Variants in YAF2 observed in about 807,000 individuals in gnomAD.
The protein encoded by YAF2 is YY1 associated factor 2.
In YAF2, 7 loss-of-function variants were observed where a neutral mutation model predicts 20.1. The ratio of observed to expected loss-of-function variants is 0.35; its 90% CI spans 0.20 to 0.65. YAF2 has a LOEUF of 0.65. Among genes scored for constraint, YAF2 ranks in the 30% least tolerant of loss-of-function variants. The pLI is 0.69. For missense variants in YAF2, 151 were observed against 219.2 expected (o/e 0.69, Z 1.96); for synonymous variants, 74 against 76.0 (o/e 0.97, Z 0.14).
Position 42,225,860 on chromosome 12 carries a change from G to A in YAF2, c.152+11739C>T, listed in dbSNP as rs760279200. Among the ~76,000 whole-genome samples the A allele has an allele frequency of 1.3e-5, 2 of 152,144 alleles. 1 individual carries two copies. Among genetic ancestry groups the A allele is most frequent in the Admixed American group, 1.3e-4 (2 of 15,276 alleles). On this transcript the variant is annotated intron_variant, in intron 2 of 3. Transcript: ENST00000534854. Reference sequence around the variant, plus strand: ...TCCTTAGGACTGTTTTGGGTATACAGGCTCTTTTTTGGTTCCACATGAAAT... The same window carrying A: ...TCCTTAGGACTGTTTTGGGTATACAAGCTCTTTTTTGGTTCCACATGAAAT...
At chr12:42,234,945 G>C (rs2068099421) in intron 2 of YAF2, 2 of 948,834 alleles carry the variant, frequency 2.1e-6, no homozygotes, top group Non-Finnish European at 2.5e-6. Context: ...CCTGGATGAT[G>C]CCACTGCAAC....
At position 42,158,131 on chromosome 12, in the gene YAF2, G is replaced by T. The variant is rs1286408919; in HGVS notation, c.*2458C>A. 3 of 152,072 alleles carry T rather than the reference G, an allele frequency of 2.0e-5. No individual in the cohort carries two copies. Among genetic ancestry groups the T allele is most frequent in the Admixed American group, 6.6e-5 (1 of 15,260 alleles). 9.4% of individuals were successfully genotyped at this position (152,072 alleles called of 1,614,324 possible). A position where few individuals can be genotyped will look rare whatever the true frequency, so the allele number is the denominator to read the frequency against. On this transcript the variant is annotated 3_prime_UTR_variant, in exon 4 of 4. Coordinates refer to ENST00000534854, the MANE Select transcript of YAF2 (RefSeq NM_005748.6). ...TATGGAATTTGGGTCTGTTTTCCTG[G>T]TGTGGAAGTGTACTTGAAGTAGGGT...
At position 42,211,469 on chromosome 12, in the gene YAF2, G is replaced by A. The variant is rs189373399; in HGVS notation, c.152+26130C>T. On this transcript the variant is annotated intron_variant, in intron 2 of 3. Transcript: ENST00000534854. ...AAAAAAAAGTCATCCAGGCACAGTGGCTCACGCCTGTAATCCCAACACTTT... is the reference window on the plus strand; with the variant it reads ...AAAAAAAAGTCATCCAGGCACAGTGACTCACGCCTGTAATCCCAACACTTT... Among the ~76,000 whole-genome samples the A allele has an allele frequency of 9.5e-4, 142 of 150,134 alleles. No homozygotes were observed. In the South Asian group the frequency reaches 0.01, roughly 11 times the overall value.
chr12:42,228,030 G>C (rs2067804631), intron 2 of YAF2, among the ~76,000 whole-genome samples: 1 of 114,182 alleles, frequency 8.8e-6, no homozygotes, highest in Non-Finnish European at 1.9e-5. Flanking sequence ...TGGGGGGTCA[G>C]CCCTCCGCCC....
At chr12:42,172,604 A>G (rs2066077859) in intron 2 of YAF2, among the ~76,000 whole-genome samples, 1 of 152,224 alleles carries the variant, frequency 6.6e-6, no homozygotes, top group African/African-American at 2.4e-5. Flanking sequence ...CAGAAGTGCT[A>G]TTCTGAAGTC....
intron 2 of YAF2, among the ~76,000 whole-genome samples, chr12:42,201,235 C>T (rs1164624861): frequency 6.6e-6 from 1 of 152,128 alleles, no homozygotes; most frequent in Non-Finnish European, 1.5e-5. Flanking sequence ...TAGACTAATA[C>T]CTTGAATAGT....
intron 2 of YAF2, 133 bp downstream of exon 2, chr12:42,237,466 A>G: frequency 7.4e-7 from 1 of 1,352,792 alleles, no homozygotes; most frequent in Non-Finnish European, 9.5e-7. Context: ...CCCAGTTCCT[A>G]TCGCCACAGC....
Position 42,197,258 on chromosome 12 carries a change from TCTTC to T in YAF2, c.153-35497_153-35494del, listed in dbSNP as rs546723137. Among the ~76,000 whole-genome samples the T allele has an allele frequency of 2.5e-3, 384 of 152,336 alleles. 1 individual carries two copies. The highest frequency in any genetic ancestry group is 9.0e-3 in the African/African-American group (374 of 41,574). The stretch of plus-strand genomic sequence containing the variant: ...CCCAGTGTTCTTTCTAGACTGGTGT[TCTTC>T]CTTTGGCTATGAACCCTCCTCTAAC... On this transcript the variant is annotated intron_variant, in intron 2 of 3. Transcript: ENST00000534854.
At chr12:42,177,574 A>T (rs2066227848) in intron 2 of YAF2, among the ~76,000 whole-genome samples, 1 of 152,152 alleles carries the variant, frequency 6.6e-6, no homozygotes, top group African/African-American at 2.4e-5. Flanking sequence ...ATTGCCTCCT[A>T]CCAGCCTTAT....
chr12:42,207,684 C>T (rs181743574), intron 2 of YAF2, among the ~76,000 whole-genome samples: 1,603 of 151,414 alleles, frequency 0.011, 28 homozygotes, highest in African/African-American at 0.037. Flanking sequence ...CAAGGTCAGG[C>T]GATCAAGACC....
At chr12:42,224,491 TA>T (rs1330092441) in intron 2 of YAF2, among the ~76,000 whole-genome samples, 2 of 152,192 alleles carry the variant, frequency 1.3e-5, no homozygotes, top group Non-Finnish European at 2.9e-5. Context: ...ACCCGTCATC[TA>T]CATTAGGCAA....
chr12:42,207,799 G>C (rs1044717589), intron 2 of YAF2, among the ~76,000 whole-genome samples: 3 of 152,280 alleles, frequency 2.0e-5, no homozygotes, highest in East Asian at 1.9e-4. Flanking sequence ...GCTGAGGCAG[G>C]AGAATGGCGT....
intron 2 of YAF2, among the ~76,000 whole-genome samples, chr12:42,183,927 A>C (rs1218310082): frequency 6.6e-6 from 1 of 152,230 alleles, no homozygotes; most frequent in East Asian, 1.9e-4. Flanking sequence ...TTTAAGGTGA[A>C]GCCAATGCTC....
intron 2 of YAF2, among the ~76,000 whole-genome samples, chr12:42,205,474 C>G (rs1321970401): frequency 6.6e-6 from 1 of 151,776 alleles, no homozygotes; most frequent in African/African-American, 2.4e-5. Context: ...CTCCTGTGTT[C>G]AAGCAATTCT....
intron 2 of YAF2, among the ~76,000 whole-genome samples, chr12:42,223,437 G>C (rs1329255444): frequency 6.6e-6 from 1 of 152,104 alleles, no homozygotes; most frequent in Non-Finnish European, 1.5e-5. Flanking sequence ...AACATAATTT[G>C]GGTGAAATTT....
At chr12:42,194,240 T>C (rs916237575) in intron 2 of YAF2, among the ~76,000 whole-genome samples, 2 of 152,234 alleles carry the variant, frequency 1.3e-5, no homozygotes, top group African/African-American at 4.8e-5. Flanking sequence ...AAATCTACAG[T>C]GGCATACAGT....
intron 2 of YAF2, chr12:42,199,498 A>G (rs55699566): frequency 0.019 from 3,764 of 202,196 alleles, 154 homozygotes; most frequent in African/African-American, 0.084. Context: ...CCACCAAAAA[A>G]TCCACACACC....
chr12:42,191,184 ACTGT>A (rs1288066932), intron 2 of YAF2, among the ~76,000 whole-genome samples: 1 of 152,072 alleles, frequency 6.6e-6, no homozygotes, highest in East Asian at 1.9e-4. Context: ...TACTCCCATT[ACTGT>A]CTCTCTCTTC....
intron 2 of YAF2, among the ~76,000 whole-genome samples, chr12:42,230,576 T>C (rs2067956839): frequency 6.6e-6 from 1 of 152,166 alleles, no homozygotes; most frequent in South Asian, 2.1e-4. Flanking sequence ...GACCAATTTG[T>C]CCAATAGTTC....
Sources: allele counts gnomAD v4.1 joint callset (sites outside exome capture counted in the v4.1 genomes callset), GRCh38; gene constraint gnomAD v4.1.1; transcripts MANE v1.5; gene names NCBI Gene and HGNC (gene_info 2026-07-23, HGNC 2026-07-21).